TMEM8B: variants seen among roughly 807,000 people sequenced by gnomAD.
The protein encoded by TMEM8B is nasopharyngeal carcinoma expressed 6.
A neutral mutation model predicts 49.3 loss-of-function variants in TMEM8B; 29 were observed. The ratio of observed to expected loss-of-function variants is 0.59; its 90% CI spans 0.44 to 0.80. The LOEUF (loss-of-function observed/expected upper bound fraction) is 0.80. Among genes scored for constraint, TMEM8B ranks in the 30% least tolerant of loss-of-function variants. TMEM8B has a pLI of 0.00. For missense variants in TMEM8B, 575 were observed against 658.5 expected, an observed-to-expected ratio of 0.87 and a Z score of 1.39; for synonymous variants, 264 against 272.8, an observed-to-expected ratio of 0.97 and a Z score of 0.32.
At chr9:35,852,474 G>A (rs911065010) in intron 10 of TMEM8B, among the ~76,000 whole-genome samples, 20 of 152,224 alleles carry the variant, frequency 1.3e-4, no homozygotes, top group Middle Eastern at 6.8e-3. Flanking sequence ...GGGGATTATA[G>A]GTGGGATCCA....
At position 35,842,723 on chromosome 9, in the gene TMEM8B, CTT is replaced by C; in HGVS notation, c.1635+8_1635+9del. On this transcript the variant is annotated splice_region_variant and intron_variant, in intron 6 of 12. Transcript: ENST00000643932. The surrounding 1 kb of genome is among the most constrained non-coding windows in gnomAD (Gnocchi z 5.6). ...TGGAGCTCCAGCTCAATGCGGTACT[CTT>C]TATGGAGAGTGGGGAGGTTGCTCTG... 6.2e-7 allele frequency: 1 copy of C among 1,603,286 alleles called. No individual in the cohort carries two copies. The highest frequency in any genetic ancestry group is 8.5e-7 in the Non-Finnish European group (1 of 1,173,068).
intron 3 of TMEM8B, among the ~76,000 whole-genome samples, chr9:35,836,361 G>A (rs1463417683): frequency 6.6e-6 from 1 of 152,224 alleles, no homozygotes; most frequent in Non-Finnish European, 1.5e-5. Context: ...AGAACTGAGG[G>A]TTCTTCTGTT....
At position 35,841,605 on chromosome 9, in the gene TMEM8B, C is replaced by G. The variant is rs757681856; in HGVS notation, c.1120C>G (p.Leu374Val). ...VGGRGVSACP[L>V]SLRLRPKAPP... The stretch of plus-strand genomic sequence containing the variant: ...GGGCCGTGGGGTATCTGCCTGCCCC[C>G]TGTCACTGCGTCTGCGTCCCAAAGC... Residue 374 changes from leucine (L) to valine (V), a missense_variant, in exon 5 of 13, where the codon CTG becomes GTG. Physicochemically the swap from Leu to Val is conservative, Grantham distance 32 (BLOSUM62 1). Transcript: ENST00000643932. The surrounding 1 kb of genome is among the most constrained non-coding windows in gnomAD (Gnocchi z 5.9). The G allele has an allele frequency of 7.9e-5, 33 of 416,430 alleles. No individual in the cohort carries two copies. The highest frequency in any genetic ancestry group is 1.2e-4 in the Non-Finnish European group (27 of 226,926). The allele number at this position is 416,430 out of a possible 1,614,324, so 25.8% of individuals were successfully genotyped here. A position where few individuals can be genotyped will look rare whatever the true frequency, so the allele number is the denominator to read the frequency against.
rs1832388796 is a variant in TMEM8B, at chr9:35,853,897, G to A, written c.*57G>A. 6 of 1,487,042 alleles carry A rather than the reference G, an allele frequency of 4.0e-6. No homozygotes were observed. Among genetic ancestry groups the A allele is most frequent in the Non-Finnish European group, 5.3e-6 (6 of 1,124,518 alleles). 92.1% of individuals were successfully genotyped at this position (1,487,042 alleles called of 1,614,324 possible). A position where few individuals can be genotyped will look rare whatever the true frequency, so the allele number is the denominator to read the frequency against. ...TGAATGCTTCCTAGAGTTCTTTCTG[G>A]GGGTGTGGAGCCCTCTTAGAAGGAG... On this transcript the variant is annotated 3_prime_UTR_variant, in exon 13 of 13. Transcript: ENST00000643932. The surrounding 1 kb of genome is among the most constrained non-coding windows in gnomAD (Gnocchi z 4.2).
Position 35,856,355 on chromosome 9 carries a change from T to C in TMEM8B, c.*2515T>C, listed in dbSNP as rs1019953368. 6.6e-6 allele frequency: 1 copy of C among 152,254 alleles called. No homozygotes were observed. The highest frequency in any genetic ancestry group is 2.4e-5 in the African/African-American group (1 of 41,428). 9.4% of individuals were successfully genotyped at this position (152,254 alleles called of 1,614,324 possible). A position where few individuals can be genotyped will look rare whatever the true frequency, so the allele number is the denominator to read the frequency against. On this transcript the variant is annotated 3_prime_UTR_variant, in exon 13 of 13. Transcript: ENST00000643932. ...AATGCAGAGGCAGGAAAGACTGATATTTACTCCGGGCACTGAATAGTTCAG... is the reference window on the plus strand; with the variant it reads ...AATGCAGAGGCAGGAAAGACTGATACTTACTCCGGGCACTGAATAGTTCAG...
intron 3 of TMEM8B, among the ~76,000 whole-genome samples, chr9:35,837,900 T>C (rs1411876367): frequency 6.6e-6 from 1 of 152,172 alleles, no homozygotes; most frequent in Non-Finnish European, 1.5e-5. Context: ...GGATACCATT[T>C]GGCACCCAAA....
In TMEM8B at chr9:35,840,439, C is replaced by CT. The variant is rs774602253; in HGVS notation, c.907-694dup. ...AACATTCATCTGTGAGGTATGCACT[C>CT]TATGTGAGGCCCTGTGTCTGGAGGA... is the stretch of plus-strand genomic sequence containing the variant. On this transcript the variant is annotated intron_variant, in intron 3 of 12. Transcript: ENST00000643932. Among the ~76,000 whole-genome samples the CT allele has an allele frequency of 7.9e-4, 120 of 152,282 alleles. 1 individual carries two copies. Among genetic ancestry groups the CT allele is most frequent in the Non-Finnish European group, 1.2e-3 (79 of 68,024 alleles).
chr9:35,846,662 C>A, intron 9 of TMEM8B, 51 bp downstream of exon 9: 1 of 1,564,108 alleles, frequency 6.4e-7, no homozygotes, highest in Non-Finnish European at 8.7e-7. Flanking sequence ...GGTGGACCTG[C>A]TGGGCCTGTG....
In TMEM8B at chr9:35,865,095, G is replaced by A. The variant is rs906466856; in HGVS notation, c.*11255G>A. 4 of 152,248 alleles carry A rather than the reference G, an allele frequency of 2.6e-5. No homozygotes were observed. The highest frequency in any genetic ancestry group is 1.3e-4 in the Admixed American group (2 of 15,278). 9.4% of individuals were successfully genotyped at this position (152,248 alleles called of 1,614,324 possible). ...CCAGGTTCCTCGGCCTGCCCCAGGA[G>A]GGCCCTGCTGAGGTGAAGTGGGCAT... On this transcript the variant is annotated 3_prime_UTR_variant, in exon 13 of 13. Coordinates refer to ENST00000643932, the MANE Select transcript of TMEM8B (RefSeq NM_001042590.4).
rs1316687794 is a variant in TMEM8B at position 35,856,376 on chromosome 9, T to G, written c.*2536T>G. On this transcript the variant is annotated 3_prime_UTR_variant, in exon 13 of 13. Transcript: ENST00000643932. ...GATATTTACTCCGGGCACTGAATAGTTCAGTGTGCCTGGGCCAGTGCATGT... is the reference window on the plus strand; with the variant it reads ...GATATTTACTCCGGGCACTGAATAGGTCAGTGTGCCTGGGCCAGTGCATGT... 2 of 152,270 alleles carry G rather than the reference T, an allele frequency of 1.3e-5. No homozygotes were observed. The highest frequency in any genetic ancestry group is 4.8e-5 in the African/African-American group (2 of 41,444). 9.4% of individuals were successfully genotyped at this position (152,270 alleles called of 1,614,324 possible). A position where few individuals can be genotyped will look rare whatever the true frequency, so the allele number is the denominator to read the frequency against.
chr9:35,844,791 C>T (rs1435991353), intron 6 of TMEM8B, among the ~76,000 whole-genome samples: 1 of 152,250 alleles, frequency 6.6e-6, no homozygotes, highest in African/African-American at 2.4e-5. Flanking sequence ...TCCCTCTCTG[C>T]ATTCCCATCC....
At chr9:35,834,033 C>T (rs879490282) in intron 1 of TMEM8B, among the ~76,000 whole-genome samples, 210 of 124,764 alleles carry the variant, frequency 1.7e-3, no homozygotes, top group Admixed American at 2.4e-3. Context: ...TGCCAAAATA[C>T]ACACACACAC....
In TMEM8B at chr9:35,861,342, G is replaced by C. The variant is rs991889964; in HGVS notation, c.*7502G>C. ...GCGTGTCCTCCCGCCCATCCCCAGT[G>C]GGGGGTGTTCTGCCCATTCTCCAGA... On this transcript the variant is annotated 3_prime_UTR_variant, in exon 13 of 13. Transcript: ENST00000643932. The C allele has an allele frequency of 3.9e-5, 6 of 152,418 alleles. No individual in the cohort carries two copies. Among genetic ancestry groups the C allele is most frequent in the Non-Finnish European group, 4.4e-5 (3 of 68,136 alleles). The allele number at this position is 152,418 out of a possible 1,614,324, so 9.4% of individuals were successfully genotyped here.
chr9:35,836,717 T>C (rs1830480293), intron 3 of TMEM8B, among the ~76,000 whole-genome samples: 1 of 152,190 alleles, frequency 6.6e-6, no homozygotes, highest in Non-Finnish European at 1.5e-5. Context: ...TAACTAGGTC[T>C]GACATGTGCA....
intron 2 of TMEM8B, 41 bp downstream of exon 2, chr9:35,834,691 C>T: frequency 9.6e-6 from 4 of 415,576 alleles, no homozygotes; most frequent in Non-Finnish European, 1.3e-5. Context: ...CTTCCAATCC[C>T]TGACCACTTT....
In TMEM8B at chr9:35,862,875, G is replaced by A. The variant is rs1432586421; in HGVS notation, c.*9035G>A. ...ATATCTCTCTCTGACTAGACTATGAGCTATTGCAGTGAAAGGGCTGTGTCC... is the reference window on the plus strand; with the variant it reads ...ATATCTCTCTCTGACTAGACTATGAACTATTGCAGTGAAAGGGCTGTGTCC... On this transcript the variant is annotated 3_prime_UTR_variant, in exon 13 of 13. Coordinates refer to ENST00000643932, the MANE Select transcript of TMEM8B (RefSeq NM_001042590.4). 1 of 152,166 alleles carries A rather than the reference G, an allele frequency of 6.6e-6. No individual in the cohort carries two copies. Among genetic ancestry groups the A allele is most frequent in the Non-Finnish European group, 1.5e-5 (1 of 68,038 alleles). 9.4% of individuals were successfully genotyped at this position (152,166 alleles called of 1,614,324 possible). A position where few individuals can be genotyped will look rare whatever the true frequency, so the allele number is the denominator to read the frequency against.
At position 35,841,313 on chromosome 9, in the gene TMEM8B, C is replaced by T. The variant is rs1472374417; in HGVS notation, c.1040+46C>T. 2.2e-5 allele frequency: 9 copies of T among 416,690 alleles called. No homozygotes were observed. The highest frequency in any genetic ancestry group is 2.2e-5 in the Non-Finnish European group (5 of 227,184). The allele number at this position is 416,690 out of a possible 1,614,324, so 25.8% of individuals were successfully genotyped here. A position where few individuals can be genotyped will look rare whatever the true frequency, so the allele number is the denominator to read the frequency against. On this transcript the variant is annotated intron_variant, in intron 4 of 12. Coordinates refer to ENST00000643932, the MANE Select transcript of TMEM8B (RefSeq NM_001042590.4). This position sits in a 1 kb window ranked among gnomAD's most constrained non-coding sequence, Gnocchi z 5.9. ...ACCTGGTCCTTTCCCTCTTCTGTGG[C>T]CTCATACAGGCTGCAGGGTTCTCTC...
At position 35,853,898 on chromosome 9, in the gene TMEM8B, G is replaced by T; in HGVS notation, c.*58G>T. 1 of 1,487,274 alleles carries T rather than the reference G, an allele frequency of 6.7e-7. No homozygotes were observed. The highest frequency in any genetic ancestry group is 2.3e-5 in the East Asian group (1 of 43,328). The allele number at this position is 1,487,274 out of a possible 1,614,324, so 92.1% of individuals were successfully genotyped here. ...GAATGCTTCCTAGAGTTCTTTCTGG[G>T]GGTGTGGAGCCCTCTTAGAAGGAGA... On this transcript the variant is annotated 3_prime_UTR_variant, in exon 13 of 13. Coordinates refer to ENST00000643932, the MANE Select transcript of TMEM8B (RefSeq NM_001042590.4). The surrounding 1 kb of genome is among the most constrained non-coding windows in gnomAD (Gnocchi z 4.2).
intron 6 of TMEM8B, among the ~76,000 whole-genome samples, chr9:35,843,531 G>A (rs967453698): frequency 9.9e-5 from 15 of 152,164 alleles, no homozygotes; most frequent in African/African-American, 3.1e-4. Context: ...CGGGGTACCA[G>A]GTAACAAGAC....
Sources: allele counts gnomAD v4.1 joint callset (sites outside exome capture counted in the v4.1 genomes callset), GRCh38; gene constraint gnomAD v4.1.1; non-coding constraint Gnocchi (gnomAD v3.1); transcripts MANE v1.5; gene names NCBI Gene and HGNC (gene_info 2026-07-23, HGNC 2026-07-21).